Variants in ITGBL1 observed in about 807,000 individuals in gnomAD.
ITGBL1 encodes integrin beta-like protein 1.
In ITGBL1, 51 loss-of-function variants were observed where a neutral mutation model predicts 68.5. The observed-to-expected ratio is 0.74, with a 90% confidence interval of 0.59 to 0.94. The LOEUF is 0.94. Among genes scored for constraint, ITGBL1 ranks in the 40% least tolerant of loss-of-function variants. ITGBL1 has a pLI of 0.00. For synonymous variants in ITGBL1, 209 were observed against 227.3 expected (o/e 0.92, Z 0.72); for missense variants, 649 against 647.4 (o/e 1.00, Z -0.03).
At chr13:101,474,015 A>G (rs562133109) in intron 2 of ITGBL1, among the ~76,000 whole-genome samples, 1 of 152,284 alleles carries the variant, frequency 6.6e-6, no homozygotes, top group African/African-American at 2.4e-5. Context: ...ACATATTTCA[A>G]GCTGTGTTGG....
At position 101,604,867 on chromosome 13, in the gene ITGBL1, T is replaced by C. The variant is rs1316175870; in HGVS notation, c.1015+6568T>C. The stretch of plus-strand genomic sequence containing the variant: ...GGCAATATATATATATATATATATA[T>C]ATATATATATATATATATATACACA... On this transcript the variant is annotated intron_variant, in intron 7 of 10. Transcript: ENST00000376180. 9.2e-4 allele frequency among the ~76,000 whole-genome samples: 18 copies of C among 19,596 alleles called. 1 individual carries two copies. The highest frequency in any genetic ancestry group is 2.1e-3 in the Non-Finnish European group (17 of 7,984). 12.9% of individuals were successfully genotyped at this position (19,596 alleles called of 152,430 possible).
chr13:101,677,191 T>C (rs2033526066), intron 7 of ITGBL1, among the ~76,000 whole-genome samples: 1 of 152,142 alleles, frequency 6.6e-6, no homozygotes, highest in Admixed American at 6.5e-5. Context: ...TGAAACATAT[T>C]GTCGGCAGAG....
intron 6 of ITGBL1, among the ~76,000 whole-genome samples, chr13:101,589,289 G>A (rs926816874): frequency 6.6e-6 from 1 of 152,254 alleles, no homozygotes; most frequent in African/African-American, 2.4e-5. Flanking sequence ...ATGATATACA[G>A]TAAGATATCT....
At chr13:101,537,562 G>A (rs868072541) in intron 2 of ITGBL1, among the ~76,000 whole-genome samples, 3 of 152,112 alleles carry the variant, frequency 2.0e-5, no homozygotes, top group Middle Eastern at 3.4e-3. Flanking sequence ...ACTTAGCATA[G>A]AGCAGTATGG....
At chr13:101,542,669 C>T (rs1464969870) in intron 2 of ITGBL1, among the ~76,000 whole-genome samples, 2 of 152,110 alleles carry the variant, frequency 1.3e-5, no homozygotes, top group African/African-American at 4.8e-5. Flanking sequence ...TAAAATCTCC[C>T]ATTATTATTG....
chr13:101,459,549 C>T (rs1035008316), intron 2 of ITGBL1, among the ~76,000 whole-genome samples: 4 of 151,968 alleles, frequency 2.6e-5, no homozygotes, highest in Admixed American at 2.0e-4. Context: ...CTGAGACCAG[C>T]CTGGGGAACA....
chr13:101,552,828 A>C (rs1042768514), intron 2 of ITGBL1, among the ~76,000 whole-genome samples: 1 of 152,246 alleles, frequency 6.6e-6, no homozygotes, highest in African/African-American at 2.4e-5. Flanking sequence ...TTGAGTGATC[A>C]TAACATTTGT....
At chr13:101,603,881 G>C (rs1253353420) in intron 7 of ITGBL1, among the ~76,000 whole-genome samples, 2 of 151,870 alleles carry the variant, frequency 1.3e-5, no homozygotes, top group African/African-American at 4.8e-5. Context: ...TTATCTTAAA[G>C]TGGTAAACAA....
At chr13:101,537,304 CA>C (rs911168331) in intron 2 of ITGBL1, among the ~76,000 whole-genome samples, 2 of 151,946 alleles carry the variant, frequency 1.3e-5, no homozygotes, top group Non-Finnish European at 2.9e-5. Flanking sequence ...AGAACCAAAA[CA>C]AATTTTGGTC....
chr13:101,600,931 AT>A, intron 7 of ITGBL1, among the ~76,000 whole-genome samples: 1 of 152,206 alleles, frequency 6.6e-6, no homozygotes, highest in Non-Finnish European at 1.5e-5. Context: ...AGGCTTTGGT[AT>A]CAGGATGATG....
chr13:101,606,475 G>A (rs1217665560), intron 7 of ITGBL1, among the ~76,000 whole-genome samples: 4 of 151,694 alleles, frequency 2.6e-5, no homozygotes, highest in Non-Finnish European at 5.9e-5. Flanking sequence ...ACTTTCTCTA[G>A]TCTCCTAGTG....
chr13:101,487,810 A>G (rs2048721865), intron 2 of ITGBL1, among the ~76,000 whole-genome samples: 1 of 152,352 alleles, frequency 6.6e-6, no homozygotes. Context: ...AAGTATGTTC[A>G]GTCTTAGCTT....
chr13:101,617,641 A>G lies in ITGBL1; in HGVS notation c.1015+19342A>G, dbSNP rs2139380204. Among the ~76,000 whole-genome samples, 4 of 152,306 alleles carry G rather than the reference A, an allele frequency of 2.6e-5. 1 individual carries two copies. The South Asian group carries it at 8.3e-4, about 32-fold the overall frequency. On this transcript the variant is annotated intron_variant, in intron 7 of 10. Transcript: ENST00000376180. ...AAAAATACAGTCTTTTATTAAAACTATAGAAATTTAATAAAAAATATAATT... is the reference window on the plus strand; with the variant it reads ...AAAAATACAGTCTTTTATTAAAACTGTAGAAATTTAATAAAAAATATAATT...
chr13:101,606,583 T>G lies in ITGBL1; in HGVS notation c.1015+8284T>G, dbSNP rs557762708. Among the ~76,000 whole-genome samples, 181 of 120,620 alleles carry G rather than the reference T, an allele frequency of 1.5e-3. 3 individuals carry two copies. The highest frequency in any genetic ancestry group is 1.7e-4 in the Non-Finnish European group (10 of 59,016). 79.1% of individuals were successfully genotyped at this position (120,620 alleles called of 152,430 possible). On this transcript the variant is annotated intron_variant, in intron 7 of 10. Coordinates refer to ENST00000376180, the MANE Select transcript of ITGBL1 (RefSeq NM_004791.3). ...ATCATTATTATTATCGATGTTCTCC[T>G]GAGCATCAGTTTGACTTTGGTTTAA...
At chr13:101,598,408 TGG>T in intron 7 of ITGBL1, 109 bp downstream of exon 7, 1 of 906,184 alleles carries the variant, frequency 1.1e-6, no homozygotes, top group Non-Finnish European at 1.5e-6. Flanking sequence ...TTCTGCTTTT[TGG>T]TTTTTTTGTT....
At chr13:101,563,091 ATATT>A (rs1287460444) in intron 2 of ITGBL1, among the ~76,000 whole-genome samples, 3 of 151,326 alleles carry the variant, frequency 2.0e-5, no homozygotes, top group East Asian at 3.8e-4. Flanking sequence ...ATAAATAAAA[ATATT>A]TAACTGAATG....
At chr13:101,645,213 G>T (rs2032519972) in intron 7 of ITGBL1, among the ~76,000 whole-genome samples, 1 of 152,104 alleles carries the variant, frequency 6.6e-6, no homozygotes, top group Admixed American at 6.5e-5. Context: ...AACCACACTT[G>T]CACTCATGCT....
chr13:101,597,351 T>C (rs192559124), intron 6 of ITGBL1, among the ~76,000 whole-genome samples: 25 of 151,700 alleles, frequency 1.6e-4, no homozygotes, highest in Middle Eastern at 3.4e-3. Context: ...CCATACTGAT[T>C]TTAATTTCAC....
chr13:101,708,210 A>G (rs894617546), intron 9 of ITGBL1, among the ~76,000 whole-genome samples: 37 of 152,202 alleles, frequency 2.4e-4, no homozygotes, highest in African/African-American at 8.7e-4. Flanking sequence ...GGCATCATCT[A>G]GAAAGCTGTT....
Sources: allele counts gnomAD v4.1 joint callset (sites outside exome capture counted in the v4.1 genomes callset), GRCh38; gene constraint gnomAD v4.1.1; transcripts MANE v1.5; gene names NCBI Gene and HGNC (gene_info 2026-07-23, HGNC 2026-07-21).